NR3C2: variants seen among roughly 807,000 people sequenced by gnomAD.
NR3C2 encodes the protein mineralocorticoid receptor.
A neutral mutation model predicts 86.4 loss-of-function variants in NR3C2; 15 were observed. That is an observed-to-expected ratio of 0.17 (90% confidence interval 0.12 to 0.27). NR3C2 has a LOEUF of 0.27. Among genes scored for constraint, NR3C2 ranks in the 10% least tolerant of loss-of-function variants. The probability of loss-of-function intolerance (pLI) is 1.00; values close to 1 mark genes in which losing one functional copy is unlikely to be tolerated. For missense variants in NR3C2, 960 were observed against 1,195.6 expected (o/e 0.80, Z 2.91); for synonymous variants, 458 against 450.5 (o/e 1.02, Z -0.21).
intron 4 of NR3C2, among the ~76,000 whole-genome samples, chr4:148,160,676 G>A (rs1734615826): frequency 1.3e-5 from 2 of 152,276 alleles, no homozygotes; most frequent in Middle Eastern, 3.4e-3. Flanking sequence ...GGTCTTGGCA[G>A]TAAACATTAG....
rs1333513818 is a variant in NR3C2 at position 148,358,617 on chromosome 4, A to ATT, written c.1757+76486_1757+76487insAA. Reference sequence around the variant, plus strand: ...GCACATGTACCCTAGAACTTAAAGTATAATAACAAATAAAAAATAAAAAAA... The same window carrying ATT: ...GCACATGTACCCTAGAACTTAAAGTATTTAATAACAAATAAAAAATAAAAAAA... On this transcript the variant is annotated intron_variant, in intron 2 of 8. Coordinates refer to ENST00000358102, the MANE Select transcript of NR3C2 (RefSeq NM_000901.5). Among the ~76,000 whole-genome samples, 50 of 96,112 alleles carry ATT rather than the reference A, an allele frequency of 5.2e-4. No homozygotes were observed. In the Admixed American group the frequency reaches 5.7e-3, roughly 11 times the overall value. The allele number at this position is 96,112 out of a possible 152,430, so 63.1% of individuals were successfully genotyped here.
chr4:148,271,635 A>C (rs1482478483), intron 2 of NR3C2, among the ~76,000 whole-genome samples: 1 of 152,104 alleles, frequency 6.6e-6, no homozygotes, highest in Non-Finnish European at 1.5e-5. Flanking sequence ...AAACTACCAA[A>C]TACTCTACCT....
intron 2 of NR3C2, among the ~76,000 whole-genome samples, chr4:148,393,167 CA>C (rs1300115641): frequency 9.9e-5 from 15 of 152,148 alleles, no homozygotes; most frequent in Non-Finnish European, 1.5e-5. Flanking sequence ...ATGCTTTCCT[CA>C]CAGAGAAATT....
chr4:148,267,495 T>C (rs952413876), intron 2 of NR3C2, among the ~76,000 whole-genome samples: 3 of 152,264 alleles, frequency 2.0e-5, no homozygotes, highest in African/African-American at 7.2e-5. Flanking sequence ...TATATTCTTC[T>C]GTATGGCTTT....
intron 2 of NR3C2, among the ~76,000 whole-genome samples, chr4:148,270,840 G>T (rs547058976): frequency 2.6e-5 from 4 of 152,020 alleles, no homozygotes; most frequent in African/African-American, 7.2e-5. Context: ...TTCCAAAAAC[G>T]GTTTCCTATG....
At chr4:148,220,276 C>T (rs6843485) in intron 3 of NR3C2, among the ~76,000 whole-genome samples, 82,061 of 151,674 alleles carry the variant, frequency 0.54, 22,347 homozygotes, top group South Asian at 0.6. Context: ...TTTGTAGAGA[C>T]GGGGTCTCAC....
chr4:148,175,538 A>G (rs1336784531), intron 4 of NR3C2, among the ~76,000 whole-genome samples: 1 of 152,260 alleles, frequency 6.6e-6, no homozygotes, highest in Admixed American at 6.5e-5. Flanking sequence ...TTATCTAAAA[A>G]TATGAGTATA....
intron 8 of NR3C2, among the ~76,000 whole-genome samples, chr4:148,094,618 G>A (rs1578874782): frequency 6.6e-6 from 1 of 151,954 alleles, no homozygotes; most frequent in African/African-American, 2.4e-5. Flanking sequence ...GGGAAGCTGA[G>A]GTAGGAGAAT....
chr4:148,145,786 A>G (rs1484252090), intron 6 of NR3C2, among the ~76,000 whole-genome samples: 1 of 152,174 alleles, frequency 6.6e-6, no homozygotes, highest in Non-Finnish European at 1.5e-5. Context: ...CACGGAAGGA[A>G]GACTTGTTTC....
chr4:148,400,097 C>T (rs1319426371), intron 2 of NR3C2, among the ~76,000 whole-genome samples: 1 of 152,206 alleles, frequency 6.6e-6, no homozygotes, highest in Non-Finnish European at 1.5e-5. Flanking sequence ...TGGCATTTGT[C>T]AGAAACTGAC....
chr4:148,405,926 T>G (rs915909116), intron 2 of NR3C2, among the ~76,000 whole-genome samples: 1 of 152,188 alleles, frequency 6.6e-6, no homozygotes, highest in African/African-American at 2.4e-5. Context: ...GGTGGATCAC[T>G]TGAGGTCAGA....
At position 148,356,433 on chromosome 4, in the gene NR3C2, T is replaced by C. The variant is rs1745551470; in HGVS notation, c.1757+78671A>G. On this transcript the variant is annotated intron_variant, in intron 2 of 8. Transcript: ENST00000358102. The stretch of plus-strand genomic sequence containing the variant: ...TTGAAGAAGACAGACATCTGTGAAA[T>C]AGACATCTGGGGGAGAAAAAAGTGA... 2.6e-5 allele frequency among the ~76,000 whole-genome samples: 4 copies of C among 152,252 alleles called. No homozygotes were observed. In the Middle Eastern group the frequency reaches 0.014, roughly 521 times the overall value.
intron 4 of NR3C2, among the ~76,000 whole-genome samples, chr4:148,181,432 G>A (rs1381635656): frequency 6.6e-6 from 1 of 152,144 alleles, no homozygotes; most frequent in East Asian, 1.9e-4. Context: ...AAAACTCTAT[G>A]ATCCCCTCTA....
chr4:148,152,663 A>G (rs1439756438), intron 5 of NR3C2, 50 bp from the exon 6 acceptor site: 1 of 1,590,062 alleles, frequency 6.3e-7, no homozygotes, highest in African/African-American at 1.3e-5. Flanking sequence ...ATTTAAGTAC[A>G]TTCCAGGAAG....
intron 2 of NR3C2, among the ~76,000 whole-genome samples, chr4:148,286,872 G>A (rs933472241): frequency 2.6e-5 from 4 of 152,140 alleles, no homozygotes; most frequent in Non-Finnish European, 5.9e-5. Context: ...CATGTACAAA[G>A]GGAGTCACAA....
At chr4:148,321,859 G>A (rs9761239) in intron 2 of NR3C2, among the ~76,000 whole-genome samples, 51,141 of 151,760 alleles carry the variant, frequency 0.34, 9,814 homozygotes, top group African/African-American at 0.53. Context: ...CTTTTAATTG[G>A]AGCATTTAGT....
chr4:148,160,861 C>T (rs1734626037), intron 4 of NR3C2, among the ~76,000 whole-genome samples: 1 of 152,160 alleles, frequency 6.6e-6, no homozygotes, highest in African/African-American at 2.4e-5. Flanking sequence ...AATTTCAGCC[C>T]AATAACCCTA....
rs551928543 is a variant in NR3C2, at chr4:148,366,109, G to T, written c.1757+68995C>A. Among the ~76,000 whole-genome samples the T allele has an allele frequency of 5.9e-5, 9 of 152,092 alleles. No individual in the cohort carries two copies. The East Asian group carries it at 1.7e-3, about 29-fold the overall frequency. On this transcript the variant is annotated intron_variant, in intron 2 of 8. Transcript: ENST00000358102. ...AAATCTTTGTATAAATTTCTAGAAA[G>T]ATTTCAGGAAGTATGGAGTTATAAA...
chr4:148,087,752 A>G (rs1001485740), intron 8 of NR3C2, among the ~76,000 whole-genome samples: 1 of 152,244 alleles, frequency 6.6e-6, no homozygotes, highest in Non-Finnish European at 1.5e-5. Context: ...ACCTAAAACC[A>G]TAACAACCCC....
Sources: gnomAD v4.1 joint callset for allele counts (sites outside exome capture counted in the v4.1 genomes callset) on GRCh38, gnomAD v4.1.1 for gene constraint, MANE v1.5 for transcripts, NCBI Gene and HGNC (gene_info 2026-07-23, HGNC 2026-07-21) for gene names.